The following HPGDS variants were observed in gnomAD, a reference collection of about 807,000 sequenced individuals.
HPGDS encodes the protein GST class-sigma.
HPGDS carries 26 observed loss-of-function variants against 23.1 expected under a neutral mutation model. That is an observed-to-expected ratio of 1.13 (90% CI 0.83 to 1.56). HPGDS has a LOEUF of 1.56. Ranked by LOEUF, HPGDS falls within the 40% of genes most tolerant of loss-of-function variation. The probability of loss-of-function intolerance (pLI) is 0.00; values close to 1 mark genes in which losing one functional copy is unlikely to be tolerated. For synonymous variants in HPGDS, 95 were observed against 77.9 expected (o/e 1.22, Z -1.16); for missense variants, 268 against 236.4 (o/e 1.13, Z -0.88).
rs1755985998 is a variant in HPGDS, at chr4:94,299,405, C to A, written c.*75G>T. 2 of 1,288,370 alleles carry A rather than the reference C, an allele frequency of 1.6e-6. No individual in the cohort carries two copies. Among genetic ancestry groups the A allele is most frequent in the East Asian group, 2.5e-5 (1 of 40,734 alleles). The allele number at this position is 1,288,370 out of a possible 1,614,324, so 79.8% of individuals were successfully genotyped here. Reference sequence around the variant, plus strand: ...GGGAGGGAGCATGTGGATTATCTGGCAGGCTGATGTAGCTGTCTTATCTGA... The same window carrying A: ...GGGAGGGAGCATGTGGATTATCTGGAAGGCTGATGTAGCTGTCTTATCTGA... On this transcript the variant is annotated 3_prime_UTR_variant, in exon 6 of 6. Transcript: ENST00000295256.
intron 4 of HPGDS, 26 bp downstream of exon 4, chr4:94,308,608 T>C (rs1443158351): frequency 1.6e-6 from 2 of 1,232,832 alleles, no homozygotes; most frequent in Non-Finnish European, 2.4e-6. Context: ...TAATTAATAC[T>C]AGGAATAGCA....
intron 3 of HPGDS, among the ~76,000 whole-genome samples, chr4:94,314,846 C>A (rs887098859): frequency 5.3e-5 from 8 of 152,188 alleles, no homozygotes; most frequent in Admixed American, 5.2e-4. Context: ...TGGTGGGCAC[C>A]CCTCCCCCAG....
intron 2 of HPGDS, among the ~76,000 whole-genome samples, chr4:94,330,483 G>C (rs1756715855): frequency 6.6e-6 from 1 of 151,938 alleles, no homozygotes; most frequent in Non-Finnish European, 1.5e-5. Context: ...TTAAATATTT[G>C]GTTGTAAAAG....
intron 2 of HPGDS, among the ~76,000 whole-genome samples, chr4:94,327,941 T>C (rs1268794809): frequency 5.3e-5 from 8 of 152,154 alleles, no homozygotes; most frequent in Admixed American, 5.2e-4. Context: ...AGTGGCACCA[T>C]GATGCAGCTA....
chr4:94,340,980 G>A (rs1391900404), intron 1 of HPGDS, among the ~76,000 whole-genome samples: 1 of 151,358 alleles, frequency 6.6e-6, no homozygotes, highest in Non-Finnish European at 1.5e-5. Flanking sequence ...CCAGTAGCTG[G>A]GATTACAGAC....
intron 5 of HPGDS, among the ~76,000 whole-genome samples, chr4:94,300,794 G>T (rs117028690): frequency 6.6e-6 from 1 of 152,056 alleles, no homozygotes; most frequent in Non-Finnish European, 1.5e-5. Flanking sequence ...GAGGTGACAC[G>T]TAAGCCCAGG....
In HPGDS at chr4:94,312,179, A is replaced by G. The variant is rs573552557; in HGVS notation, c.227-3436T>C. On this transcript the variant is annotated intron_variant, in intron 3 of 5. Transcript: ENST00000295256. ...TTTTAGTTATTTCTTGCCTTCTGCT[A>G]GCTTTTGAATGTGTTTGCTCTTGCT... Among the ~76,000 whole-genome samples, 88 of 152,122 alleles carry G rather than the reference A, an allele frequency of 5.8e-4. 1 individual carries two copies. In the South Asian group the frequency reaches 0.012, roughly 22 times the overall value.
intron 2 of HPGDS, among the ~76,000 whole-genome samples, chr4:94,318,998 C>A (rs1057436822): frequency 3.3e-5 from 5 of 152,194 alleles, no homozygotes; most frequent in African/African-American, 1.2e-4. Context: ...CAGGCATGAG[C>A]AACCACGCCT....
intron 4 of HPGDS, among the ~76,000 whole-genome samples, chr4:94,306,488 C>T (rs1157154008): frequency 6.6e-6 from 1 of 151,968 alleles, no homozygotes; most frequent in Non-Finnish European, 1.5e-5. Context: ...GAAGGGAAAG[C>T]CAAGAACCAA....
intron 3 of HPGDS, among the ~76,000 whole-genome samples, chr4:94,315,493 T>C (rs935684670): frequency 3.9e-5 from 6 of 152,204 alleles, no homozygotes; most frequent in Non-Finnish European, 8.8e-5. Context: ...GGGTTTTTTT[T>C]CTTTTGTCTC....
At chr4:94,335,363 C>T (rs1720981195) in intron 1 of HPGDS, among the ~76,000 whole-genome samples, 2 of 152,140 alleles carry the variant, frequency 1.3e-5, no homozygotes, top group Admixed American at 6.5e-5. Flanking sequence ...CTAATACCGA[C>T]GAATTCAGTC....
intron 2 of HPGDS, among the ~76,000 whole-genome samples, chr4:94,325,126 C>T (rs143051979): frequency 0.025 from 3,773 of 152,306 alleles, 106 homozygotes; most frequent in African/African-American, 0.075. Flanking sequence ...ACAGCAAATA[C>T]TGCTGCCTGA....
At chr4:94,315,382 T>C (rs1269041393) in intron 3 of HPGDS, among the ~76,000 whole-genome samples, 2 of 152,236 alleles carry the variant, frequency 1.3e-5, no homozygotes, top group Admixed American at 6.5e-5. Flanking sequence ...TGTACCTATG[T>C]TATAATTTAT....
intron 1 of HPGDS, among the ~76,000 whole-genome samples, chr4:94,340,990 C>A (rs11944008): frequency 0.01 from 1,584 of 151,778 alleles, 21 homozygotes; most frequent in African/African-American, 0.035. Context: ...GGATTACAGA[C>A]GCCCACCACC....
chr4:94,312,425 C>G (rs1193242504), intron 3 of HPGDS, among the ~76,000 whole-genome samples: 1 of 152,158 alleles, frequency 6.6e-6, no homozygotes, highest in Non-Finnish European at 1.5e-5. Context: ...GCAGGTTGTT[C>G]AGTTTACATG....
At chr4:94,335,601 G>A (rs927492973) in intron 1 of HPGDS, among the ~76,000 whole-genome samples, 10 of 152,070 alleles carry the variant, frequency 6.6e-5, no homozygotes, top group African/African-American at 1.7e-4. Context: ...ATATTAACAT[G>A]GATTTGTAAA....
At chr4:94,340,869 G>C (rs1223856306) in intron 1 of HPGDS, among the ~76,000 whole-genome samples, 2 of 121,886 alleles carry the variant, frequency 1.6e-5, no homozygotes, top group African/African-American at 3.2e-5. Flanking sequence ...TTTTGAGACG[G>C]AGTCTTGCTC....
At chr4:94,313,449 A>C (rs1010987040) in intron 3 of HPGDS, among the ~76,000 whole-genome samples, 1 of 152,206 alleles carries the variant, frequency 6.6e-6, no homozygotes, top group Non-Finnish European at 1.5e-5. Flanking sequence ...TTTCTTTAAG[A>C]ATGTTGAATA....
chr4:94,307,109 A>G (rs1274062730), intron 4 of HPGDS, among the ~76,000 whole-genome samples: 1 of 152,122 alleles, frequency 6.6e-6, no homozygotes, highest in Non-Finnish European at 1.5e-5. Flanking sequence ...CAGCCTTTCA[A>G]ATACTAATGA....
Sources: gnomAD v4.1 joint callset for allele counts (sites outside exome capture counted in the v4.1 genomes callset) on GRCh38, gnomAD v4.1.1 for gene constraint, MANE v1.5 for transcripts, NCBI Gene and HGNC (gene_info 2026-07-23, HGNC 2026-07-21) for gene names.